The following MID2 variants were observed in gnomAD, a reference collection of about 807,000 sequenced individuals.
The protein encoded by MID2 is probable E3 ubiquitin-protein ligase MID2.
Under a neutral mutation model 46.1 loss-of-function variants are expected in MID2, and 13 were observed. The observed-to-expected ratio is 0.28, with a 90% confidence interval of 0.18 to 0.45. MID2 has a LOEUF of 0.45. MID2 is among the 20% of genes least tolerant of loss of function. The pLI, the probability that MID2 is intolerant of heterozygous loss-of-function variation, is 1.00. For missense variants in MID2, 431 were observed against 575.4 expected (o/e 0.75, Z 2.57); for synonymous variants, 199 against 212.3 (o/e 0.94, Z 0.55).
At chrX:107,881,607 G>A (rs911410973) in intron 3 of MID2, among the ~76,000 whole-genome samples, 3 of 112,179 alleles carry the variant, frequency 2.7e-5, no homozygotes, top group Non-Finnish European at 5.6e-5. Flanking sequence ...AAGGACATAC[G>A]TTCCTGAAAG....
At position 107,917,726 on chromosome X, in the gene MID2, C is replaced by T. The variant is rs762407944; in HGVS notation, c.1422C>T (p.Ala474=). 26 of 1,209,193 alleles carry T rather than the reference C, an allele frequency of 2.2e-5. No homozygotes were observed. The highest frequency in any genetic ancestry group is 1.2e-4 in the East Asian group (4 of 33,782). The change falls in exon 7 of 10, where the codon GCC becomes GCT. Residue 474 remains alanine (A), a synonymous_variant. Transcript: ENST00000262843. The stretch of plus-strand genomic sequence containing the variant: ...AAGCAGTAAGCTGCTCAAGATTGGC[C>T]GGGGCGCCACGAGGCAAGTGTTTGT... The part of the protein sequence containing the change: ...CKEAVSCSRL[A]GAPRGLYNSV...
chrX:107,826,536 T>A lies in MID2; in HGVS notation c.4+106T>A, dbSNP rs1371992084. 4.0e-5 allele frequency: 38 copies of A among 954,514 alleles called. No individual in the cohort carries two copies. In the East Asian group the frequency reaches 1.4e-3, roughly 36 times the overall value. 78.7% of individuals were successfully genotyped at this position (954,514 alleles called of 1,213,427 possible). A position where few individuals can be genotyped will look rare whatever the true frequency, so the allele number is the denominator to read the frequency against. On this transcript the variant is annotated intron_variant, in intron 1 of 9. Coordinates refer to ENST00000262843, the MANE Select transcript of MID2 (RefSeq NM_012216.4). ...TTCAGGTGCCGCCGGGGCCCGGCGT[T>A]GGCCGAGGGCTCTCCGGCTCGGCGA...
intron 7 of MID2, among the ~76,000 whole-genome samples, chrX:107,921,574 AATG>A (rs1413096478): frequency 9.0e-6 from 1 of 111,461 alleles, no homozygotes; most frequent in African/African-American, 3.3e-5. Context: ...ATGATTGCAA[AATG>A]ATGATTTTTC....
In MID2 at chrX:107,873,334, C is replaced by T. The variant is rs746620439; in HGVS notation, c.816+18630C>T. Among the ~76,000 whole-genome samples the T allele has an allele frequency of 4.5e-5, 5 of 112,061 alleles. No homozygotes were observed. In the East Asian group the frequency reaches 1.4e-3, roughly 31 times the overall value. On this transcript the variant is annotated intron_variant, in intron 3 of 9. Transcript: ENST00000262843. The stretch of plus-strand genomic sequence containing the variant: ...GGATAGCCTCCTGTCCTTTGGATTC[C>T]TGGGGGAAGAAGCTGTCGATTAAGG...
At chrX:107,846,545 G>A (rs924847802) in intron 2 of MID2, among the ~76,000 whole-genome samples, 5 of 110,914 alleles carry the variant, frequency 4.5e-5, no homozygotes, top group Non-Finnish European at 9.5e-5. Context: ...TACAATATGT[G>A]TAAATCTGTA....
At position 107,869,349 on chromosome X, in the gene MID2, C is replaced by T. The variant is rs373395830; in HGVS notation, c.816+14645C>T. Among the ~76,000 whole-genome samples the T allele has an allele frequency of 2.3e-4, 26 of 111,567 alleles. No individual in the cohort carries two copies. In the East Asian group the frequency reaches 3.1e-3, roughly 13 times the overall value. On this transcript the variant is annotated intron_variant, in intron 3 of 9. Coordinates refer to ENST00000262843, the MANE Select transcript of MID2 (RefSeq NM_012216.4). ...CCATTGATTTAATTTTCCATTCTTA[C>T]GCCAATACCTTACTATTTTGATTAT...
chrX:107,886,024 C>G (rs1206375829), intron 3 of MID2, among the ~76,000 whole-genome samples: 6 of 111,449 alleles, frequency 5.4e-5, no homozygotes, highest in Admixed American at 3.8e-4. Flanking sequence ...GGATATTAGC[C>G]CTTTGTTAGA....
intron 3 of MID2, among the ~76,000 whole-genome samples, chrX:107,882,263 C>G (rs1932336846): frequency 8.9e-6 from 1 of 111,919 alleles, no homozygotes; most frequent in Non-Finnish European, 1.9e-5. Context: ...TAGAAGAAAA[C>G]CTAGGCAATA....
At chrX:107,843,644 T>C (rs1280015482) in intron 2 of MID2, among the ~76,000 whole-genome samples, 1 of 110,441 alleles carries the variant, frequency 9.1e-6, no homozygotes, top group African/African-American at 3.3e-5. Context: ...TTTGGGGAGG[T>C]GAGAGAGGTA....
chrX:107,841,831 G>A (rs1349858546), intron 2 of MID2, among the ~76,000 whole-genome samples: 1 of 111,196 alleles, frequency 9.0e-6, no homozygotes, highest in Non-Finnish European at 1.9e-5. Flanking sequence ...GGTGTGGGTG[G>A]AGGTGGCTGA....
intron 3 of MID2, among the ~76,000 whole-genome samples, chrX:107,892,509 A>G (rs761057740): frequency 2.0e-3 from 219 of 111,936 alleles, no homozygotes; most frequent in Non-Finnish European, 3.7e-3. Context: ...GCAGTTTCTA[A>G]CTGGTCTCTC....
chrX:107,910,620 A>G (rs1445695740), intron 5 of MID2, among the ~76,000 whole-genome samples: 1 of 104,223 alleles, frequency 9.6e-6, no homozygotes, highest in East Asian at 3.1e-4. Flanking sequence ...TCCCACCAAC[A>G]ATGTATAAGG....
At chrX:107,909,939 A>G (rs1174930519) in intron 5 of MID2, among the ~76,000 whole-genome samples, 1 of 112,623 alleles carries the variant, frequency 8.9e-6, no homozygotes, top group Non-Finnish European at 1.9e-5. Context: ...ATGTTTTCAT[A>G]TATGCATACA....
chrX:107,845,540 C>A (rs1200002249), intron 2 of MID2, among the ~76,000 whole-genome samples: 2 of 107,735 alleles, frequency 1.9e-5, no homozygotes, highest in African/African-American at 6.9e-5. Context: ...CTCTCTCTCT[C>A]TCTCTCTCTC....
At chrX:107,855,860 G>A (rs1201070181) in intron 3 of MID2, among the ~76,000 whole-genome samples, 6 of 111,837 alleles carry the variant, frequency 5.4e-5, no homozygotes, top group Admixed American at 3.8e-4. Flanking sequence ...GGTGCTCTAC[G>A]TAGGGTCCAT....
intron 3 of MID2, among the ~76,000 whole-genome samples, chrX:107,886,062 T>C (rs1224859446): frequency 8.9e-6 from 1 of 111,986 alleles, no homozygotes; most frequent in Non-Finnish European, 1.9e-5. Flanking sequence ...TTTTCTCCCA[T>C]TCTGTAGGTG....
At chrX:107,903,502 T>C (rs949373108) in intron 3 of MID2, among the ~76,000 whole-genome samples, 1 of 112,153 alleles carries the variant, frequency 8.9e-6, no homozygotes. Context: ...ATATTTAATG[T>C]GAAAAATTAG....
chrX:107,914,862 G>A (rs1271556574), intron 5 of MID2, among the ~76,000 whole-genome samples: 1 of 112,310 alleles, frequency 8.9e-6, no homozygotes, highest in African/African-American at 3.2e-5. Context: ...AGATGGACAT[G>A]GGCTCAATTA....
intron 8 of MID2, among the ~76,000 whole-genome samples, chrX:107,925,022 CCTT>C (rs1933146270): frequency 1.8e-5 from 2 of 112,623 alleles, no homozygotes. Flanking sequence ...GATGCAGGCT[CCTT>C]CTCCCTGTGT....
Sources: gnomAD v4.1 joint callset for allele counts (sites outside exome capture counted in the v4.1 genomes callset) on GRCh38, gnomAD v4.1.1 for gene constraint, MANE v1.5 for transcripts, NCBI Gene and HGNC (gene_info 2026-07-23, HGNC 2026-07-21) for gene names.